ESRP1: variants seen among roughly 807,000 people sequenced by gnomAD.
The protein encoded by ESRP1 is epithelial splicing regulatory protein 1.
A neutral mutation model predicts 81.7 loss-of-function variants in ESRP1; 33 were observed. That is an observed-to-expected ratio of 0.40 (90% confidence interval 0.31 to 0.54). The LOEUF is 0.54. ESRP1 is among the 20% of genes least tolerant of loss of function. The pLI, the probability that ESRP1 is intolerant of heterozygous loss-of-function variation, is 0.41. For synonymous variants in ESRP1, 320 were observed against 303.3 expected, an observed-to-expected ratio of 1.06 and a Z score of -0.57; for missense variants, 672 against 833.1, an observed-to-expected ratio of 0.81 and a Z score of 2.38.
At chr8:94,650,832 C>A (rs965422159) in intron 4 of ESRP1, among the ~76,000 whole-genome samples, 1 of 152,092 alleles carries the variant, frequency 6.6e-6, no homozygotes, top group Non-Finnish European at 1.5e-5. Flanking sequence ...CTGCCTCAGC[C>A]TCCCGAGTAG....
intron 13 of ESRP1, among the ~76,000 whole-genome samples, chr8:94,690,145 GT>G (rs1809332485): frequency 6.8e-6 from 1 of 147,540 alleles, no homozygotes; most frequent in African/African-American, 2.5e-5. Flanking sequence ...TTGTTTGTTT[GT>G]TTTTTGTTTT....
intron 4 of ESRP1, among the ~76,000 whole-genome samples, chr8:94,658,080 T>A (rs1399800951): frequency 6.6e-6 from 1 of 152,116 alleles, no homozygotes; most frequent in Non-Finnish European, 1.5e-5. Flanking sequence ...TCCGGCTAAT[T>A]TTTGTATTTT....
chr8:94,670,353 A>G (rs751093045), intron 10 of ESRP1, among the ~76,000 whole-genome samples: 6 of 151,882 alleles, frequency 4.0e-5, no homozygotes, highest in Non-Finnish European at 8.8e-5. Context: ...TTGTTCTTCT[A>G]ATGTTTTTGC....
chr8:94,692,536 C>A, intron 13 of ESRP1, 141 bp from the exon 14 acceptor site: 1 of 852,818 alleles, frequency 1.2e-6, no homozygotes, highest in Non-Finnish European at 1.7e-6. Flanking sequence ...GGTGTTTTCA[C>A]CTGTCTTAGG....
At chr8:94,699,042 T>C (rs1002898577) in intron 15 of ESRP1, among the ~76,000 whole-genome samples, 1 of 152,188 alleles carries the variant, frequency 6.6e-6, no homozygotes, top group African/African-American at 2.4e-5. Flanking sequence ...TTGGTCCATA[T>C]TTTCTTTTCA....
chr8:94,642,963 T>C (rs572391046), intron 2 of ESRP1, among the ~76,000 whole-genome samples: 1 of 152,142 alleles, frequency 6.6e-6, no homozygotes, highest in Admixed American at 6.5e-5. Context: ...TCCAAACATA[T>C]AAAAAGTAAC....
chr8:94,703,505 G>A (rs930864943), intron 15 of ESRP1, among the ~76,000 whole-genome samples: 4 of 152,176 alleles, frequency 2.6e-5, no homozygotes, highest in Middle Eastern at 3.4e-3. Flanking sequence ...GGTTCGAGAA[G>A]GCTAAACGTT....
chr8:94,678,787 C>T (rs1403020487), intron 13 of ESRP1, among the ~76,000 whole-genome samples: 1 of 152,106 alleles, frequency 6.6e-6, no homozygotes, highest in Non-Finnish European at 1.5e-5. Context: ...TTAAATATTC[C>T]AGGGCTTATA....
Position 94,706,678 on chromosome 8 carries a change from G to A in ESRP1, c.*789G>A, listed in dbSNP as rs1370916054. The A allele has an allele frequency of 1.3e-5, 2 of 152,528 alleles. No homozygotes were observed. Among genetic ancestry groups the A allele is most frequent in the Non-Finnish European group, 2.9e-5 (2 of 68,010 alleles). 9.4% of individuals were successfully genotyped at this position (152,528 alleles called of 1,614,324 possible). A position where few individuals can be genotyped will look rare whatever the true frequency, so the allele number is the denominator to read the frequency against. On this transcript the variant is annotated 3_prime_UTR_variant, in exon 16 of 16. Transcript: ENST00000433389. Reference sequence around the variant, plus strand: ...GTTTGAACTGTAATTGAATATTGTGGCTTCATATGTATTATTTTATATTGT... The same window carrying A: ...GTTTGAACTGTAATTGAATATTGTGACTTCATATGTATTATTTTATATTGT...
At chr8:94,663,162 T>C (rs1366177608) in intron 6 of ESRP1, among the ~76,000 whole-genome samples, 2 of 152,196 alleles carry the variant, frequency 1.3e-5, no homozygotes, top group Non-Finnish European at 2.9e-5. Context: ...ATTTAGAAAA[T>C]TTCCAAAGGA....
At chr8:94,648,392 G>C (rs554856172) in intron 4 of ESRP1, among the ~76,000 whole-genome samples, 1 of 152,296 alleles carries the variant, frequency 6.6e-6, no homozygotes, top group South Asian at 2.1e-4. Context: ...GCTGTGGTGA[G>C]TTATTTTATG....
At chr8:94,682,732 A>C (rs1368211252) in intron 13 of ESRP1, among the ~76,000 whole-genome samples, 2 of 151,196 alleles carry the variant, frequency 1.3e-5, no homozygotes, top group Admixed American at 1.3e-4. Flanking sequence ...TGAGTGATGT[A>C]GTCACAAGTA....
intron 12 of ESRP1, among the ~76,000 whole-genome samples, chr8:94,675,119 C>T (rs1405809758): frequency 2.6e-5 from 4 of 152,194 alleles, no homozygotes; most frequent in Non-Finnish European, 4.4e-5. Flanking sequence ...CTCATTGGCA[C>T]CTGGGTGCAA....
intron 6 of ESRP1, among the ~76,000 whole-genome samples, chr8:94,664,409 C>G (rs886867625): frequency 2.0e-5 from 3 of 152,148 alleles, no homozygotes; most frequent in African/African-American, 7.2e-5. Flanking sequence ...CAGACATAAG[C>G]CACCACGCCT....
At chr8:94,666,160 C>T (rs1160997769) in intron 9 of ESRP1, among the ~76,000 whole-genome samples, 2 of 152,104 alleles carry the variant, frequency 1.3e-5, no homozygotes, top group African/African-American at 4.8e-5. Context: ...TTAACATCAT[C>T]CTACATTACT....
At chr8:94,681,861 G>A (rs1808903164) in intron 13 of ESRP1, among the ~76,000 whole-genome samples, 1 of 152,126 alleles carries the variant, frequency 6.6e-6, no homozygotes, top group Non-Finnish European at 1.5e-5. Flanking sequence ...TTGAACCTGG[G>A]AGGCGGTGGT....
intron 15 of ESRP1, among the ~76,000 whole-genome samples, chr8:94,702,033 GTGCCAC>G (rs1809861449): frequency 6.6e-6 from 1 of 152,170 alleles, no homozygotes; most frequent in African/African-American, 2.4e-5. Flanking sequence ...AGCTGTCATC[GTGCCAC>G]TGCCCTCCAG....
intron 13 of ESRP1, among the ~76,000 whole-genome samples, chr8:94,691,241 T>C (rs989791550): frequency 4.6e-5 from 7 of 152,082 alleles, no homozygotes; most frequent in African/African-American, 1.7e-4. Context: ...TTTGTTGGGG[T>C]AGTATCTCAT....
intron 13 of ESRP1, among the ~76,000 whole-genome samples, chr8:94,689,159 G>T: frequency 1.3e-5 from 2 of 148,444 alleles, no homozygotes; most frequent in Middle Eastern, 3.5e-3. Context: ...GCTGAGGCAC[G>T]AGAATTGCTT....
Sources: gnomAD v4.1 joint callset for allele counts (sites outside exome capture counted in the v4.1 genomes callset) on GRCh38, gnomAD v4.1.1 for gene constraint, MANE v1.5 for transcripts, NCBI Gene and HGNC (gene_info 2026-07-23, HGNC 2026-07-21) for gene names.